Variants in DNAJB14 observed in about 807,000 individuals in gnomAD.
The protein encoded by DNAJB14 is DnaJ heat shock protein family (Hsp40) member B14.
In DNAJB14, 22 loss-of-function variants were observed where a neutral mutation model predicts 48.4. The ratio of observed to expected loss-of-function variants is 0.45; its 90% CI spans 0.32 to 0.65. The LOEUF is 0.65. DNAJB14 is among the 30% of genes least tolerant of loss of function. DNAJB14 has a pLI of 0.03. For synonymous variants in DNAJB14, 142 were observed against 158.7 expected (o/e 0.89, Z 0.79); for missense variants, 319 against 458.8 (o/e 0.70, Z 2.78).
intron 3 of DNAJB14, among the ~76,000 whole-genome samples, chr4:99,915,956 C>G (rs1362870588): frequency 1.3e-5 from 2 of 152,166 alleles, no homozygotes; most frequent in African/African-American, 2.4e-5. Context: ...ACCCTTTTAT[C>G]ATGTATGTGT....
intron 2 of DNAJB14, chr4:99,927,911 A>T (rs535607912): frequency 2.0e-5 from 3 of 152,190 alleles, no homozygotes; most frequent in African/African-American, 7.2e-5. Context: ...ACCCTCACTA[A>T]AGCAACACTT....
chr4:99,944,929 T>G (rs1327540404), intron 1 of DNAJB14, among the ~76,000 whole-genome samples: 1 of 152,138 alleles, frequency 6.6e-6, no homozygotes, highest in Non-Finnish European at 1.5e-5. Flanking sequence ...TAAATGAAAC[T>G]TGGGAACATT....
At position 99,917,814 on chromosome 4, in the gene DNAJB14, C is replaced by T. The variant is rs141905468; in HGVS notation, c.451+5226G>A. Among the ~76,000 whole-genome samples the T allele has an allele frequency of 4.1e-4, 62 of 152,272 alleles. 2 individuals carry two copies. The East Asian group carries it at 0.011, about 27-fold the overall frequency. On this transcript the variant is annotated intron_variant, in intron 3 of 7. Transcript: ENST00000442697. ...TGAAAAATGTGCCACTTCTTTCTGG[C>T]CTCTGTGGTTTCTGATGTGAAATTT...
chr4:99,917,173 C>T (rs1167846260), intron 3 of DNAJB14, among the ~76,000 whole-genome samples: 1 of 152,140 alleles, frequency 6.6e-6, no homozygotes, highest in Non-Finnish European at 1.5e-5. Context: ...TATATATTTT[C>T]TTTACATACA....
In DNAJB14 at chr4:99,899,369, A is replaced by C. The variant is rs1672955151; in HGVS notation, c.*1659T>G. On this transcript the variant is annotated 3_prime_UTR_variant, in exon 8 of 8. Coordinates refer to ENST00000442697, the MANE Select transcript of DNAJB14 (RefSeq NM_001031723.4). ...ACTCTGCAGGCTCAACAAAATAATT[A>C]AAATTGTATTTTCTCTTAAGCACTG... The C allele has an allele frequency of 6.6e-6, 1 of 152,130 alleles. No homozygotes were observed. The highest frequency in any genetic ancestry group is 2.4e-5 in the African/African-American group (1 of 41,380). The allele number at this position is 152,130 out of a possible 1,614,324, so 9.4% of individuals were successfully genotyped here. A position where few individuals can be genotyped will look rare whatever the true frequency, so the allele number is the denominator to read the frequency against.
intron 5 of DNAJB14, 124 bp downstream of exon 5, chr4:99,906,393 C>T (rs1448142647): frequency 3.8e-6 from 4 of 1,040,848 alleles, no homozygotes; most frequent in African/African-American, 1.6e-5. Flanking sequence ...CTAGTCTCTA[C>T]CAAACACCTC....
At chr4:99,907,199 T>C (rs571226604) in intron 4 of DNAJB14, among the ~76,000 whole-genome samples, 1 of 152,332 alleles carries the variant, frequency 6.6e-6, no homozygotes, top group Admixed American at 6.5e-5. Flanking sequence ...GAAAATTTAC[T>C]ACTGCCTGAA....
rs534455474 is a variant in DNAJB14, at chr4:99,923,766, G to A, written c.306-581C>T. On this transcript the variant is annotated intron_variant, in intron 2 of 7. Coordinates refer to ENST00000442697, the MANE Select transcript of DNAJB14 (RefSeq NM_001031723.4). ...GGGGCTGAGGCTAGTCTTGAAATTC[G>A]GGCCTCAAATGATCCTCCCATCTCA... 41 of 958,280 alleles carry A rather than the reference G, an allele frequency of 4.3e-5. No homozygotes were observed. In the East Asian group the frequency reaches 8.1e-4, roughly 19 times the overall value. 59.4% of individuals were successfully genotyped at this position (958,280 alleles called of 1,614,324 possible).
rs1725240457 is a variant in DNAJB14, at chr4:99,899,889, T to C, written c.*1139A>G. The C allele has an allele frequency of 6.6e-6, 1 of 152,202 alleles. No individual in the cohort carries two copies. Among genetic ancestry groups the C allele is most frequent in the Non-Finnish European group, 1.5e-5 (1 of 67,786 alleles). The allele number at this position is 152,202 out of a possible 1,614,324, so 9.4% of individuals were successfully genotyped here. A position where few individuals can be genotyped will look rare whatever the true frequency, so the allele number is the denominator to read the frequency against. ...TTCAATTACTCAATGGTAAATAGAT[T>C]TTAGCTCAGAATTTTTAAAGGATGA... is the stretch of plus-strand genomic sequence containing the variant. On this transcript the variant is annotated 3_prime_UTR_variant, in exon 8 of 8. Transcript: ENST00000442697.
intron 3 of DNAJB14, 98 bp downstream of exon 3, chr4:99,922,939 TCTA>T: frequency 7.8e-7 from 1 of 1,283,796 alleles, no homozygotes; most frequent in South Asian, 1.7e-5. Flanking sequence ...TGTGCTGGTC[TCTA>T]AATGCACCAG....
chr4:99,905,558 A>T (rs1408711422), intron 6 of DNAJB14, 39 bp downstream of exon 6: 1 of 1,520,048 alleles, frequency 6.6e-7, no homozygotes, highest in Non-Finnish European at 9.1e-7. Flanking sequence ...CAGAAATAGC[A>T]ACAATTCATT....
chr4:99,923,639 C>G (rs1218041391), intron 2 of DNAJB14: 2 of 984,884 alleles, frequency 2.0e-6, no homozygotes, highest in African/African-American at 3.5e-5. Context: ...ATCTAACCAA[C>G]TATCAAAGCA....
At chr4:99,928,963 C>A (rs924977443) in intron 2 of DNAJB14, 1 of 154,496 alleles carries the variant, frequency 6.5e-6, no homozygotes, top group Non-Finnish European at 1.4e-5. Context: ...TATTCAGCTA[C>A]CTCTGACACA....
intron 2 of DNAJB14, chr4:99,928,309 A>G (rs17029667): frequency 0.11 from 17,221 of 155,702 alleles, 1,126 homozygotes; most frequent in East Asian, 0.24. Context: ...CTCATCTCCA[A>G]TTTGACAGAG....
At chr4:99,903,667 T>C in intron 7 of DNAJB14, 59 bp downstream of exon 7, 5 of 1,513,436 alleles carry the variant, frequency 3.3e-6, no homozygotes, top group South Asian at 1.3e-5. Flanking sequence ...GAAATCTACA[T>C]TAATCAGTTC....
intron 7 of DNAJB14, among the ~76,000 whole-genome samples, chr4:99,902,234 A>G (rs1725319260): frequency 6.6e-6 from 1 of 151,440 alleles, no homozygotes; most frequent in South Asian, 2.1e-4. Context: ...CTTGGGCTGG[A>G]TAATTTTTTT....
At position 99,899,654 on chromosome 4, in the gene DNAJB14, C is replaced by CA; in HGVS notation, c.*1373dup. On this transcript the variant is annotated 3_prime_UTR_variant, in exon 8 of 8. Coordinates refer to ENST00000442697, the MANE Select transcript of DNAJB14 (RefSeq NM_001031723.4). ...CCACCCTATCTAGCATTCTCTCACT[C>CA]ACAAAGAAGTATCAAAGATATGTTT... The CA allele has an allele frequency of 6.6e-6, 1 of 152,256 alleles. No homozygotes were observed. Among genetic ancestry groups the CA allele is most frequent in the Non-Finnish European group, 1.5e-5 (1 of 67,816 alleles). 9.4% of individuals were successfully genotyped at this position (152,256 alleles called of 1,614,324 possible).
intron 3 of DNAJB14, among the ~76,000 whole-genome samples, chr4:99,917,410 C>T (rs1304797752): frequency 1.3e-5 from 2 of 152,212 alleles, no homozygotes; most frequent in Non-Finnish European, 2.9e-5. Context: ...GACTCAGTGT[C>T]TGGTGAGGGC....
intron 3 of DNAJB14, among the ~76,000 whole-genome samples, chr4:99,911,662 C>T (rs557896494): frequency 5.3e-5 from 8 of 152,288 alleles, no homozygotes; most frequent in African/African-American, 1.4e-4. Context: ...AAATCTTTCA[C>T]TGTGCTTATT....
Sources: gnomAD v4.1 joint callset for allele counts (sites outside exome capture counted in the v4.1 genomes callset) on GRCh38, gnomAD v4.1.1 for gene constraint, MANE v1.5 for transcripts, NCBI Gene and HGNC (gene_info 2026-07-23, HGNC 2026-07-21) for gene names.